The following MACC1 variants were observed in gnomAD, a reference collection of about 807,000 sequenced individuals.
MACC1 encodes the protein metastasis-associated in colon cancer protein 1.
In MACC1, 79 loss-of-function variants were observed where a neutral mutation model predicts 70.7. The observed-to-expected ratio is 1.12, with a 90% CI of 0.93 to 1.35. The LOEUF is 1.35. Ranked by LOEUF, MACC1 falls within the 40% of genes most tolerant of loss-of-function variation. MACC1 has a pLI of 0.00. For missense variants in MACC1, 1,106 were observed against 978.1 expected, an observed-to-expected ratio of 1.13 and a Z score of -1.74; for synonymous variants, 361 against 347.2, an observed-to-expected ratio of 1.04 and a Z score of -0.44.
intron 2 of MACC1, among the ~76,000 whole-genome samples, chr7:20,169,314 G>A (rs945569857): frequency 7.2e-5 from 11 of 152,194 alleles, no homozygotes; most frequent in Admixed American, 1.3e-4. Context: ...AGAGTAGTTG[G>A]ATATGACTTT....
intron 2 of MACC1, among the ~76,000 whole-genome samples, chr7:20,167,696 C>T (rs2128103953): frequency 6.6e-6 from 1 of 151,830 alleles, no homozygotes; most frequent in East Asian, 1.9e-4. Flanking sequence ...TGAGACTACA[C>T]CCTGACCCTG....
At chr7:20,162,512 C>T (rs1001943464) in intron 3 of MACC1, among the ~76,000 whole-genome samples, 4 of 152,102 alleles carry the variant, frequency 2.6e-5, no homozygotes, top group Admixed American at 6.5e-5. Context: ...ACAAAAGTAA[C>T]TGCACTACCT....
chr7:20,209,607 A>G (rs1343885792), intron 1 of MACC1, among the ~76,000 whole-genome samples: 1 of 152,164 alleles, frequency 6.6e-6, no homozygotes, highest in Non-Finnish European at 1.5e-5. Context: ...TCATAGGGAG[A>G]AGGCACTTGC....
At chr7:20,144,284 C>T (rs1208420806) in intron 6 of MACC1, among the ~76,000 whole-genome samples, 3 of 152,286 alleles carry the variant, frequency 2.0e-5, no homozygotes, top group South Asian at 2.1e-4. Context: ...GACACCTGCA[C>T]AAACACTGGC....
At chr7:20,207,625 A>G (rs1412935509) in intron 1 of MACC1, among the ~76,000 whole-genome samples, 3 of 152,154 alleles carry the variant, frequency 2.0e-5, no homozygotes, top group African/African-American at 7.2e-5. Context: ...TTGAATTTCT[A>G]ATAACAAATA....
At chr7:20,175,453 A>C (rs1782376509) in intron 1 of MACC1, among the ~76,000 whole-genome samples, 1 of 152,124 alleles carries the variant, frequency 6.6e-6, no homozygotes, top group Non-Finnish European at 1.5e-5. Flanking sequence ...CAAGCAATAG[A>C]ACATAAAAAA....
chr7:20,198,356 A>G (rs1038343744), intron 1 of MACC1, among the ~76,000 whole-genome samples: 6 of 152,220 alleles, frequency 3.9e-5, no homozygotes, highest in African/African-American at 1.4e-4. Flanking sequence ...CACAGACAGC[A>G]TGGGAGATCA....
chr7:20,150,061 A>T (rs1781952435), intron 6 of MACC1, among the ~76,000 whole-genome samples: 1 of 152,218 alleles, frequency 6.6e-6, no homozygotes, highest in Admixed American at 6.5e-5. Flanking sequence ...CTGTAAAGAA[A>T]ATGCTCATAA....
intron 1 of MACC1, among the ~76,000 whole-genome samples, chr7:20,205,736 G>A (rs1351897092): frequency 3.3e-5 from 5 of 151,800 alleles, no homozygotes; most frequent in Non-Finnish European, 7.4e-5. Flanking sequence ...TAATCTCCTT[G>A]AGTCGTTCCA....
chr7:20,214,957 A>G (rs1783047886), intron 1 of MACC1, among the ~76,000 whole-genome samples: 1 of 151,984 alleles, frequency 6.6e-6, no homozygotes, highest in Admixed American at 6.6e-5. Flanking sequence ...ACCTCCCACA[A>G]TGTCCTCTTG....
intron 1 of MACC1, among the ~76,000 whole-genome samples, chr7:20,208,761 C>T (rs1040261865): frequency 2.0e-5 from 3 of 152,158 alleles, no homozygotes; most frequent in Admixed American, 6.5e-5. Context: ...AAAATGTCTC[C>T]GGGGCATGTC....
chr7:20,173,548 T>C (rs1007444738), intron 1 of MACC1, among the ~76,000 whole-genome samples: 10 of 152,214 alleles, frequency 6.6e-5, no homozygotes, highest in Non-Finnish European at 1.2e-4. Context: ...AGTAAGGTGA[T>C]GTAAAGGTTG....
chr7:20,200,453 T>C (rs1782817806), intron 1 of MACC1, among the ~76,000 whole-genome samples: 1 of 152,194 alleles, frequency 6.6e-6, no homozygotes, highest in Admixed American at 6.5e-5. Flanking sequence ...TTCCTACCAA[T>C]TTACTGGTCA....
At chr7:20,193,171 T>G (rs960797764) in intron 1 of MACC1, among the ~76,000 whole-genome samples, 20 of 152,338 alleles carry the variant, frequency 1.3e-4, no homozygotes, top group African/African-American at 4.6e-4. Context: ...GGGACAGCTA[T>G]GTTTATAAAA....
At chr7:20,162,243 C>T (rs1423592115) in intron 3 of MACC1, among the ~76,000 whole-genome samples, 6 of 152,156 alleles carry the variant, frequency 3.9e-5, no homozygotes, top group Admixed American at 1.3e-4. Flanking sequence ...TAAAAATTTT[C>T]CCCTAAATCC....
Position 20,159,534 on chromosome 7 carries a change from A to G in MACC1, c.827T>C (p.Met276Thr), listed in dbSNP as rs774660180. The G allele has an allele frequency of 5.0e-6, 8 of 1,614,168 alleles. No individual in the cohort carries two copies. In the South Asian group the frequency reaches 7.7e-5, roughly 16 times the overall value. Reference sequence around the variant, plus strand: ...TTCCATTGTATTGAGGTTGCCTAACATGATTTCCAACAACGGGCTCACAGT... The same window carrying G: ...TTCCATTGTATTGAGGTTGCCTAACGTGATTTCCAACAACGGGCTCACAGT... Reference protein sequence around the residue: ...SCTVSPLLEIMLGNLNTMEAL... With the variant: ...SCTVSPLLEITLGNLNTMEAL... The change falls in exon 5 of 7, where the codon ATG becomes ACG. Residue 276 changes from methionine (M) to threonine (T), a missense_variant. Met to Thr is a moderately conservative substitution (Grantham distance 81). Transcript: ENST00000400331.
intron 1 of MACC1, among the ~76,000 whole-genome samples, chr7:20,191,775 G>C (rs998928649): frequency 6.6e-6 from 1 of 152,162 alleles, no homozygotes; most frequent in African/African-American, 2.4e-5. Flanking sequence ...AATTTGGAAA[G>C]GTAATCTGTG....
intron 1 of MACC1, among the ~76,000 whole-genome samples, chr7:20,199,799 A>G (rs1010139562): frequency 6.6e-6 from 1 of 152,260 alleles, no homozygotes; most frequent in Non-Finnish European, 1.5e-5. Context: ...CTTAAAGTTA[A>G]GAAAAACTTA....
At chr7:20,175,862 T>C (rs1314948545) in intron 1 of MACC1, among the ~76,000 whole-genome samples, 1 of 152,128 alleles carries the variant, frequency 6.6e-6, no homozygotes, top group Non-Finnish European at 1.5e-5. Flanking sequence ...CTTAGAACTA[T>C]TTGGAATATA....
Sources: gnomAD v4.1 joint callset for allele counts (sites outside exome capture counted in the v4.1 genomes callset) on GRCh38, gnomAD v4.1.1 for gene constraint, MANE v1.5 for transcripts, NCBI Gene and HGNC (gene_info 2026-07-23, HGNC 2026-07-21) for gene names.